ATP9A: variants seen among roughly 807,000 people sequenced by gnomAD.
ATP9A encodes the protein ATPase phospholipid transporting 9A.
In ATP9A, 52 loss-of-function variants were observed where a neutral mutation model predicts 144.1. The ratio of observed to expected loss-of-function variants is 0.36; its 90% confidence interval spans 0.29 to 0.45. The LOEUF (loss-of-function observed/expected upper bound fraction) is 0.45, where lower values mean the gene tolerates loss of function less well. Ranked by LOEUF, ATP9A falls within the 20% of genes least tolerant of loss-of-function variation. The pLI is 1.00. For synonymous variants in ATP9A, 582 were observed against 557.4 expected (o/e 1.04, Z -0.62); for missense variants, 947 against 1,392.7 (o/e 0.68, Z 5.09).
intron 4 of ATP9A, among the ~76,000 whole-genome samples, chr20:51,707,289 C>G (rs2077618552): frequency 6.6e-6 from 1 of 152,142 alleles, no homozygotes; most frequent in Admixed American, 6.6e-5. Flanking sequence ...CTGCTCTCTT[C>G]CCTCCTCTAA....
At chr20:51,678,058 C>T (rs1443276618) in intron 9 of ATP9A, among the ~76,000 whole-genome samples, 5 of 139,820 alleles carry the variant, frequency 3.6e-5, no homozygotes, top group East Asian at 2.0e-4. Flanking sequence ...CCAAGAAACA[C>T]GGCATCACAG....
intron 14 of ATP9A, among the ~76,000 whole-genome samples, chr20:51,648,714 C>T (rs935497457): frequency 1.3e-5 from 2 of 152,114 alleles, no homozygotes; most frequent in African/African-American, 2.4e-5. Context: ...CGCCTCTCAT[C>T]CCAGCTACTT....
At chr20:51,708,328 T>C (rs140158499) in intron 4 of ATP9A, among the ~76,000 whole-genome samples, 1 of 150,166 alleles carries the variant, frequency 6.7e-6, no homozygotes, top group Non-Finnish European at 1.5e-5. Context: ...TTGATTGAAA[T>C]AAAATTATCT....
intron 13 of ATP9A, 28 bp from the exon 14 acceptor site, chr20:51,657,178 G>C (rs2077390672): frequency 6.3e-7 from 1 of 1,575,742 alleles, no homozygotes; most frequent in Non-Finnish European, 8.7e-7. Context: ...GAACAAGGAA[G>C]ATGACCAGAG....
At chr20:51,624,222 T>A (rs1396052783) in intron 18 of ATP9A, among the ~76,000 whole-genome samples, 1 of 151,452 alleles carries the variant, frequency 6.6e-6, no homozygotes, top group African/African-American at 2.4e-5. Flanking sequence ...GGGGTGGGAG[T>A]CCCCAGTGGG....
chr20:51,661,981 T>C (rs943272503), intron 13 of ATP9A, among the ~76,000 whole-genome samples: 2 of 152,202 alleles, frequency 1.3e-5, no homozygotes, highest in African/African-American at 2.4e-5. Context: ...TCTGGAGACA[T>C]AATTGGTTGT....
chr20:51,656,217 T>G, intron 14 of ATP9A, among the ~76,000 whole-genome samples: 1 of 57,356 alleles, frequency 1.7e-5, no homozygotes, highest in African/African-American at 5.9e-5. Flanking sequence ...TGATGATGGT[T>G]GCAAAAAAAA....
intron 1 of ATP9A, among the ~76,000 whole-genome samples, chr20:51,755,481 G>C (rs1303788071): frequency 6.6e-6 from 1 of 151,904 alleles, no homozygotes; most frequent in African/African-American, 2.4e-5. Flanking sequence ...ACTCCTATCA[G>C]AATGGCTGAA....
At chr20:51,712,208 G>A (rs2077642253) in intron 4 of ATP9A, among the ~76,000 whole-genome samples, 3 of 151,970 alleles carry the variant, frequency 2.0e-5, no homozygotes, top group Non-Finnish European at 4.4e-5. Context: ...AAGTAGCTGG[G>A]ACTACAGGCG....
chr20:51,763,914 T>C lies in ATP9A; in HGVS notation c.68+4388A>G, dbSNP rs115919012. Among the ~76,000 whole-genome samples the C allele has an allele frequency of 2.1e-3, 314 of 152,214 alleles. 3 individuals carry two copies. The highest frequency in any genetic ancestry group is 6.8e-3 in the African/African-American group (284 of 41,550). ...ACATACCTGGACAGAATGCTCTACA[T>C]AGTTATTCATTTTCCTAAATTTGAT... On this transcript the variant is annotated intron_variant, in intron 1 of 27. Coordinates refer to ENST00000338821, the MANE Select transcript of ATP9A (RefSeq NM_006045.3).
At chr20:51,668,509 C>T (rs1188523380) in intron 13 of ATP9A, among the ~76,000 whole-genome samples, 1 of 152,058 alleles carries the variant, frequency 6.6e-6, no homozygotes, top group East Asian at 1.9e-4. Context: ...AGGGGCCATC[C>T]GGGGAACAAC....
rs936373864 is a variant in ATP9A, at chr20:51,611,525, C to A, written c.2572-1360G>T. ...TGTGTTCTCTGACAGACTCATGTCCCGGTGCAATTCTAACTGGGACTTGCT... is the reference window on the plus strand; with the variant it reads ...TGTGTTCTCTGACAGACTCATGTCCAGGTGCAATTCTAACTGGGACTTGCT... On this transcript the variant is annotated intron_variant, in intron 23 of 27. Coordinates refer to ENST00000338821, the MANE Select transcript of ATP9A (RefSeq NM_006045.3). The surrounding 1 kb of genome is among the most constrained non-coding windows in gnomAD (Gnocchi z 4.2). Among the ~76,000 whole-genome samples, 2 of 152,102 alleles carry A rather than the reference C, an allele frequency of 1.3e-5. No individual in the cohort carries two copies. Among genetic ancestry groups the A allele is most frequent in the Non-Finnish European group, 2.9e-5 (2 of 68,038 alleles).
chr20:51,703,503 A>C (rs904001405), intron 4 of ATP9A, among the ~76,000 whole-genome samples: 12 of 152,300 alleles, frequency 7.9e-5, no homozygotes, highest in Admixed American at 5.9e-4. Context: ...ACTTCACCCA[A>C]GTCGTCTCTC....
intron 1 of ATP9A, among the ~76,000 whole-genome samples, chr20:51,733,897 C>T (rs2077752659): frequency 6.6e-6 from 1 of 151,640 alleles, no homozygotes. Context: ...TGGTCTCAAA[C>T]ACCTGGCCTC....
chr20:51,642,172 C>T (rs1381770348), intron 14 of ATP9A, among the ~76,000 whole-genome samples: 2 of 151,306 alleles, frequency 1.3e-5, no homozygotes, highest in Non-Finnish European at 2.9e-5. Flanking sequence ...GTTTTGTTTT[C>T]GTGATGGAGT....
At position 51,711,733 on chromosome 20, in the gene ATP9A, C is replaced by T. The variant is rs572114567; in HGVS notation, c.436+1233G>A. Among the ~76,000 whole-genome samples, 26 of 151,970 alleles carry T rather than the reference C, an allele frequency of 1.7e-4. 1 individual carries two copies. Among genetic ancestry groups the T allele is most frequent in the South Asian group, 4.1e-4 (2 of 4,826 alleles). On this transcript the variant is annotated intron_variant, in intron 4 of 27. Transcript: ENST00000338821. ...CTGGGTTGTTTTGTGGCTTTTCCAC[C>T]GTGTGTTTCAGTGGGTTTTTAAGTT...
chr20:51,674,380 G>A (rs2077468622), intron 10 of ATP9A, 67 bp from the exon 11 acceptor site: 6 of 1,556,066 alleles, frequency 3.9e-6, no homozygotes, highest in Non-Finnish European at 5.2e-6. Context: ...CCTAAACCAG[G>A]AGGTGGAGGC....
intron 7 of ATP9A, among the ~76,000 whole-genome samples, chr20:51,691,091 C>T (rs1337758458): frequency 6.6e-6 from 1 of 152,132 alleles, no homozygotes; most frequent in Admixed American, 6.5e-5. Flanking sequence ...TGGGGTGATG[C>T]TACACACCTA....
chr20:51,720,366 A>C (rs2077683495), intron 3 of ATP9A, among the ~76,000 whole-genome samples: 1 of 152,224 alleles, frequency 6.6e-6, no homozygotes. Flanking sequence ...TAAAAAACTA[A>C]AATGAAGTTA....
Sources: allele counts gnomAD v4.1 joint callset (sites outside exome capture counted in the v4.1 genomes callset), GRCh38; gene constraint gnomAD v4.1.1; non-coding constraint Gnocchi (gnomAD v3.1); transcripts MANE v1.5; gene names NCBI Gene and HGNC (gene_info 2026-07-23, HGNC 2026-07-21).